ERBIN: variants seen among roughly 807,000 people sequenced by gnomAD.
ERBIN encodes the protein erbb2 interacting protein, also known as densin-180-like protein.
In ERBIN, 60 loss-of-function variants were observed where a neutral mutation model predicts 158.4. The ratio of observed to expected loss-of-function variants is 0.38; its 90% CI spans 0.31 to 0.47. The LOEUF is 0.47. Among genes scored for constraint, ERBIN ranks in the 20% least tolerant of loss-of-function variants. ERBIN has a pLI of 0.99. For missense variants in ERBIN, 1,610 were observed against 1,648.0 expected (o/e 0.98, Z 0.40); for synonymous variants, 594 against 557.2 (o/e 1.07, Z -0.93).
intron 21 of ERBIN, among the ~76,000 whole-genome samples, chr5:66,059,403 G>A (rs1759997546): frequency 6.6e-6 from 1 of 152,290 alleles, no homozygotes; most frequent in East Asian, 1.9e-4. Flanking sequence ...CTGAGACTTT[G>A]CTGAAGTTGC....
intron 3 of ERBIN, 28 bp from the exon 4 acceptor site, chr5:65,994,719 G>A: frequency 8.0e-7 from 1 of 1,248,644 alleles, no homozygotes; most frequent in Non-Finnish European, 1.2e-6. Context: ...GTATATAATT[G>A]ACATTCTTTC....
At chr5:65,943,804 CTCT>C (rs1437176550) in intron 1 of ERBIN, among the ~76,000 whole-genome samples, 2 of 152,192 alleles carry the variant, frequency 1.3e-5, no homozygotes. Flanking sequence ...ATCTCCAGAA[CTCT>C]TTTCATTTTG....
intron 1 of ERBIN, among the ~76,000 whole-genome samples, chr5:65,972,891 C>T (rs1388735664): frequency 1.3e-5 from 2 of 151,242 alleles, no homozygotes; most frequent in African/African-American, 4.9e-5. Flanking sequence ...TAAATTAACC[C>T]CAAGGAAAAT....
chr5:65,935,821 C>T (rs1052670942), intron 1 of ERBIN, among the ~76,000 whole-genome samples: 1 of 152,130 alleles, frequency 6.6e-6, no homozygotes, highest in African/African-American at 2.4e-5. Flanking sequence ...AACTCATGGC[C>T]TCAATCAATC....
At chr5:65,930,242 G>A (rs1425315592) in intron 1 of ERBIN, among the ~76,000 whole-genome samples, 1 of 152,142 alleles carries the variant, frequency 6.6e-6, no homozygotes, top group Non-Finnish European at 1.5e-5. Flanking sequence ...ATTTAATTCT[G>A]AATATCCCCT....
intron 14 of ERBIN, among the ~76,000 whole-genome samples, chr5:66,036,179 A>T (rs1554062222): frequency 2.0e-5 from 3 of 152,184 alleles, no homozygotes; most frequent in Non-Finnish European, 1.5e-5. Flanking sequence ...GTGCTGACAG[A>T]CTGTTGAGGT....
At position 65,992,750 on chromosome 5, in the gene ERBIN, T is replaced by C; in HGVS notation, c.32T>C (p.Leu11Ser). ...ACAAAACGAAGTTTGTTTGTGCGGTTGGTACCATGTCGCTGTCTACGAGGG... is the reference window on the plus strand; with the variant it reads ...ACAAAACGAAGTTTGTTTGTGCGGTCGGTACCATGTCGCTGTCTACGAGGG... MTTKRSLFVR[L>S]VPCRCLRGEE... Residue 11 changes from leucine (L) to serine (S), a missense_variant, in exon 3 of 26, where the codon TTG becomes TCG. Physicochemically the swap from Leu to Ser is moderately radical, Grantham distance 145. Coordinates refer to ENST00000284037, the MANE Select transcript of ERBIN (RefSeq NM_001253697.2). The C allele has an allele frequency of 6.2e-7, 1 of 1,610,200 alleles. No homozygotes were observed.
intron 1 of ERBIN, among the ~76,000 whole-genome samples, chr5:65,950,606 C>T (rs1214626025): frequency 6.6e-6 from 1 of 152,112 alleles, no homozygotes; most frequent in Admixed American, 6.5e-5. Flanking sequence ...TTTACTTTTC[C>T]ATCATGGATC....
At chr5:65,989,007 C>G (rs944836481) in intron 2 of ERBIN, among the ~76,000 whole-genome samples, 4 of 127,018 alleles carry the variant, frequency 3.1e-5, no homozygotes, top group African/African-American at 9.3e-5. Flanking sequence ...AAAAAAAAAG[C>G]TTATTATTGT....
At position 66,053,891 on chromosome 5, in the gene ERBIN, C is replaced by G; in HGVS notation, c.2573C>G (p.Pro858Arg). The change falls in exon 21 of 26, where the codon CCT becomes CGT. Residue 858 changes from proline to arginine, a missense_variant. This residue lies in a region of ERBIN where 1,014 missense variants were observed against 936.1 expected (regional missense o/e 1.08). Coordinates refer to ENST00000284037, the MANE Select transcript of ERBIN (RefSeq NM_001253697.2). ...GISKSTEDLSPQKSGPVGSVV... is the reference protein window; with the variant it reads ...GISKSTEDLSRQKSGPVGSVV... ...TCCAAAAGCACTGAAGATCTCTCCC[C>G]TCAGAAAAGTGGTCCAGTTGGATCT... The G allele has an allele frequency of 6.2e-7, 1 of 1,614,102 alleles. No homozygotes were observed. The highest frequency in any genetic ancestry group is 8.5e-7 in the Non-Finnish European group (1 of 1,180,008).
At position 65,966,706 on chromosome 5, in the gene ERBIN, AAAAG is replaced by A. The variant is rs1312577805; in HGVS notation, c.-57-21928_-57-21925del. On this transcript the variant is annotated intron_variant, in intron 1 of 25. Transcript: ENST00000284037. ...AAAAAAAAAAAAAAAAAAAAAAAAA[AAAAG>A]GTAACTGTAAATCATTCCATGACAG... is the stretch of plus-strand genomic sequence containing the variant. Among the ~76,000 whole-genome samples the A allele has an allele frequency of 1.9e-4, 28 of 149,302 alleles. 1 individual carries two copies. Among genetic ancestry groups the A allele is most frequent in the East Asian group, 1.8e-3 (9 of 5,136 alleles).
intron 1 of ERBIN, among the ~76,000 whole-genome samples, chr5:65,987,737 C>T (rs1751416676): frequency 6.6e-6 from 1 of 151,574 alleles, no homozygotes; most frequent in East Asian, 1.9e-4. Context: ...CCCACCTACT[C>T]GGCAGGCTGA....
intron 1 of ERBIN, among the ~76,000 whole-genome samples, chr5:65,974,702 T>A (rs1749670220): frequency 6.6e-6 from 1 of 152,200 alleles, no homozygotes; most frequent in Non-Finnish European, 1.5e-5. Context: ...GTCATTAGAG[T>A]ACTTAGTATT....
Position 65,926,666 on chromosome 5 carries a change from C to G in ERBIN, c.-198C>G, listed in dbSNP as rs900385528. 2 of 151,846 alleles carry G rather than the reference C, an allele frequency of 1.3e-5. No homozygotes were observed. Among genetic ancestry groups the G allele is most frequent in the African/African-American group, 4.8e-5 (2 of 41,300 alleles). The allele number at this position is 151,846 out of a possible 1,614,324, so 9.4% of individuals were successfully genotyped here. ...CCAACCCCCACCAAAGCCACCTACTCTTCTTCTGTGGGAGGCCAGTCCACA... is the reference window on the plus strand; with the variant it reads ...CCAACCCCCACCAAAGCCACCTACTGTTCTTCTGTGGGAGGCCAGTCCACA... On this transcript the variant is annotated 5_prime_UTR_variant, in exon 1 of 26. Transcript: ENST00000284037.
chr5:65,942,981 G>A (rs1299562285), intron 1 of ERBIN, among the ~76,000 whole-genome samples: 1 of 151,624 alleles, frequency 6.6e-6, no homozygotes. Context: ...ATTAAGAAGT[G>A]TAAAAAATTC....
chr5:65,941,669 T>C (rs1745062034), intron 1 of ERBIN, among the ~76,000 whole-genome samples: 1 of 152,126 alleles, frequency 6.6e-6, no homozygotes, highest in African/African-American at 2.4e-5. Flanking sequence ...AGGAAAAGGA[T>C]CTTTGTCACT....
intron 4 of ERBIN, among the ~76,000 whole-genome samples, chr5:66,010,296 A>G (rs149824449): frequency 1.3e-5 from 2 of 152,276 alleles, no homozygotes; most frequent in East Asian, 1.9e-4. Context: ...TTTGGCAAGT[A>G]TATGTCCAAA....
intron 1 of ERBIN, among the ~76,000 whole-genome samples, chr5:65,986,287 TCTCTCTGCCTTGCTCCTA>T (rs1160434144): frequency 6.6e-6 from 1 of 152,252 alleles, no homozygotes; most frequent in Admixed American, 6.5e-5. Flanking sequence ...ACATCTTTCT[TCTCTCTGCCTTGCTCCTA>T]CCATGGTCTT....
At chr5:66,011,275 CTTCAGGCA>C (rs1174043596) in intron 4 of ERBIN, among the ~76,000 whole-genome samples, 1 of 152,226 alleles carries the variant, frequency 6.6e-6, no homozygotes, top group Non-Finnish European at 1.5e-5. Flanking sequence ...ACAGTGCTGC[CTTCAGGCA>C]TATCCACTGG....
Sources: gnomAD v4.1 joint callset for allele counts (sites outside exome capture counted in the v4.1 genomes callset) on GRCh38, gnomAD v4.1.1 for gene constraint, gnomAD v4.1.1 regional missense constraint, MANE v1.5 for transcripts, NCBI Gene and HGNC (gene_info 2026-07-23, HGNC 2026-07-21) for gene names.